The following TRPM2 variants were observed in gnomAD, a reference collection of about 807,000 sequenced individuals.
TRPM2 encodes estrogen-responsive element-associated gene 1 protein.
Under a neutral mutation model 174.0 loss-of-function variants are expected in TRPM2, and 161 were observed. The ratio of observed to expected loss-of-function variants is 0.93; its 90% CI spans 0.81 to 1.05. The LOEUF (loss-of-function observed/expected upper bound fraction) is 1.05, where lower values mean the gene tolerates loss of function less well. Among genes scored for constraint, TRPM2 ranks in the 50% least tolerant of loss-of-function variants. The pLI, the probability that TRPM2 is intolerant of heterozygous loss-of-function variation, is 0.00. For missense variants in TRPM2, 2,057 were observed against 2,038.0 expected (o/e 1.01, Z -0.18); for synonymous variants, 954 against 861.3 (o/e 1.11, Z -1.88).
intron 29 of TRPM2, among the ~76,000 whole-genome samples, chr21:44,437,670 G>T (rs985377928): frequency 1.3e-5 from 2 of 152,208 alleles, no homozygotes; most frequent in Non-Finnish European, 2.9e-5. Context: ...CAGCTCAGGG[G>T]CTGGTTGTGG....
chr21:44,394,671 G>A (rs949548656), intron 11 of TRPM2, among the ~76,000 whole-genome samples: 18 of 151,628 alleles, frequency 1.2e-4, no homozygotes, highest in East Asian at 3.9e-4. Flanking sequence ...AGTCCAGTGC[G>A]TTTATTTAAG....
intron 11 of TRPM2, among the ~76,000 whole-genome samples, chr21:44,394,960 C>T (rs982284814): frequency 2.0e-5 from 3 of 152,150 alleles, no homozygotes; most frequent in Non-Finnish European, 4.4e-5. Context: ...TGTGCTTGCT[C>T]GTGAGTGAGC....
Position 44,439,971 on chromosome 21 carries a change from C to T in TRPM2, c.4269+803C>T. Among the ~76,000 whole-genome samples the T allele has an allele frequency of 6.6e-6, 1 of 151,934 alleles. No individual in the cohort carries two copies. The highest frequency in any genetic ancestry group is 2.0e-4 in the East Asian group (1 of 5,060). On this transcript the variant is annotated intron_variant, in intron 30 of 31. Transcript: ENST00000397928. The surrounding 1 kb of genome is among the most constrained non-coding windows in gnomAD (Gnocchi z 5.1). The stretch of plus-strand genomic sequence containing the variant: ...CTGGGCTCAAGCGATCTGCCCACCT[C>T]AGCCTCCCAAAGTGCTGGGATTACA...
intron 11 of TRPM2, among the ~76,000 whole-genome samples, chr21:44,392,830 G>T (rs924621044): frequency 1.2e-4 from 19 of 152,118 alleles, no homozygotes; most frequent in Non-Finnish European, 8.8e-5. Context: ...GTGTATGCTG[G>T]TTTTTTCCGA....
chr21:44,370,977 G>A (rs1273113567), intron 5 of TRPM2, among the ~76,000 whole-genome samples: 1 of 152,314 alleles, frequency 6.6e-6, no homozygotes, highest in African/African-American at 2.4e-5. Context: ...CCCGGCTGCC[G>A]CCCTCCCTTA....
Position 44,439,093 on chromosome 21 carries a change from A to G in TRPM2, c.4194A>G (p.Leu1398=), listed in dbSNP as rs2051391144. ...GCTCCCGGGAGCCAGGGGAGATGCT[A>G]CCTCGGAAGCTGAAGCGGATCCTCC... ...PGGSREPGEM[L]PRKLKRILRQ... The change falls in exon 30 of 32, where the codon CTA becomes CTG. Residue 1398 remains leucine (L), a synonymous_variant. Coordinates refer to ENST00000397928, the MANE Select transcript of TRPM2 (RefSeq NM_003307.4). This position sits in a 1 kb window ranked among gnomAD's most constrained non-coding sequence, Gnocchi z 5.1. 1 of 1,613,192 alleles carries G rather than the reference A, an allele frequency of 6.2e-7. No homozygotes were observed. Among genetic ancestry groups the G allele is most frequent in the South Asian group, 1.1e-5 (1 of 91,068 alleles).
chr21:44,418,394 T>A, intron 21 of TRPM2, 29 bp from the exon 22 acceptor site: 1 of 1,608,296 alleles, frequency 6.2e-7, no homozygotes, highest in South Asian at 1.1e-5. Context: ...GGATTCCAGG[T>A]CCCCTGGTCT....
rs1555896002 is a variant in TRPM2 at position 44,403,645 on chromosome 21, G to GCA, written c.2539-1492_2539-1491dup. 2.8e-4 allele frequency among the ~76,000 whole-genome samples: 41 copies of GCA among 147,566 alleles called. No homozygotes were observed. In the East Asian group the frequency reaches 6.8e-3, roughly 25 times the overall value. ...CATTCATGCATATGTATACACACAT[G>GCA]CACACATGCACACACATGCATACAC... On this transcript the variant is annotated intron_variant, in intron 16 of 31. Coordinates refer to ENST00000397928, the MANE Select transcript of TRPM2 (RefSeq NM_003307.4).
At position 44,391,572 on chromosome 21, in the gene TRPM2, C is replaced by T. The variant is rs749455789; in HGVS notation, c.1741C>T (p.Arg581Trp). The T allele has an allele frequency of 3.1e-6, 5 of 1,592,636 alleles. No individual in the cohort carries two copies. The highest frequency in any genetic ancestry group is 1.3e-5 in the African/African-American group (1 of 74,688). ...CACGCAGCCGCTTTATCCCCGGCCC[C>T]GGCACAACGACCGGCTGCGGCTCCT... ...DFTQPLYPRP[R>W]HNDRLRLLLP... Residue 581 changes from arginine (R) to tryptophan (W), a missense_variant, in exon 11 of 32, where the codon CGG becomes TGG. Physicochemically the swap from Arg to Trp is moderately radical, Grantham distance 101. Transcript: ENST00000397928. This position sits in a 1 kb window ranked among gnomAD's most constrained non-coding sequence, Gnocchi z 5.0.
intron 27 of TRPM2, among the ~76,000 whole-genome samples, chr21:44,430,227 C>G (rs2050974558): frequency 6.6e-6 from 1 of 152,102 alleles, no homozygotes; most frequent in South Asian, 2.1e-4. Flanking sequence ...ATTTCTTGTA[C>G]TGTCTTACTT....
At chr21:44,401,584 C>A in intron 15 of TRPM2, 97 bp from the exon 16 acceptor site, 2 of 1,307,192 alleles carry the variant, frequency 1.5e-6, no homozygotes, top group African/African-American at 1.5e-5. Context: ...GCACATCTCT[C>A]TGAGGGGCAC....
chr21:44,373,518 A>G (rs1422474562), intron 5 of TRPM2, among the ~76,000 whole-genome samples: 1 of 151,730 alleles, frequency 6.6e-6, no homozygotes, highest in Admixed American at 6.6e-5. Context: ...TGCTTTTCGA[A>G]CAGTGAATCT....
chr21:44,352,964 G>A (rs1008504478), upstream of TRPM2, among the ~76,000 whole-genome samples: 2 of 152,194 alleles, frequency 1.3e-5, no homozygotes, highest in Non-Finnish European at 2.9e-5. Context: ...AGACCAACCT[G>A]ACCAACATGG....
chr21:44,426,387 G>T (rs999461832), intron 25 of TRPM2, among the ~76,000 whole-genome samples: 1 of 151,996 alleles, frequency 6.6e-6, no homozygotes, highest in Non-Finnish European at 1.5e-5. Context: ...TTAGCCCCCT[G>T]CCCCACTCTG....
chr21:44,369,074 G>T, intron 4 of TRPM2, 103 bp from the exon 5 acceptor site: 1 of 1,250,648 alleles, frequency 8.0e-7, no homozygotes, highest in South Asian at 1.7e-5. Flanking sequence ...TGCGTTGTTG[G>T]GGGCGGGGCA....
Position 44,379,168 on chromosome 21 carries a change from G to A in TRPM2, c.1186G>A (p.Glu396Lys), listed in dbSNP as rs867184329. ...FFQEMFETFT[E>K]SRIVEWTKKI... ...CCAGGAGATGTTTGAGACCTTCACG[G>A]AAAGCAGGATTGTCGAGTGGACCAA... Residue 396 changes from glutamate (E) to lysine (K), a missense_variant, in exon 8 of 32, where the codon GAA (glutamate) becomes AAA (lysine). Physicochemically the swap from Glu to Lys is moderately conservative, Grantham distance 56. Coordinates refer to ENST00000397928, the MANE Select transcript of TRPM2 (RefSeq NM_003307.4). 1 of 1,613,438 alleles carries A rather than the reference G, an allele frequency of 6.2e-7. No homozygotes were observed. Among genetic ancestry groups the A allele is most frequent in the African/African-American group, 1.3e-5 (1 of 75,068 alleles).
rs144022462 is a variant in TRPM2 at position 44,405,166 on chromosome 21, G to A, written c.2563G>A (p.Gly855Arg). The A allele has an allele frequency of 8.7e-5, 140 of 1,613,452 alleles. 1 individual carries two copies. The highest frequency in any genetic ancestry group is 3.3e-4 in the Middle Eastern group (2 of 6,062). ...GCTCTTCTATGACCCTGACGAGTGC[G>A]GGCTGATGAAGAAGGCAGCCTTGTA... ...RQLFYDPDEC[G>R]LMKKAALYFS... Residue 855 changes from glycine (G) to arginine (R), a missense_variant, in exon 17 of 32, where the codon GGG becomes AGG. By Grantham distance (125) the Gly-to-Arg change is moderately radical (BLOSUM62 -2). Coordinates refer to ENST00000397928, the MANE Select transcript of TRPM2 (RefSeq NM_003307.4).
rs1442144051 is a variant in TRPM2 at position 44,397,404 on chromosome 21, G to A, written c.1933-343G>A. ...TGGTTCTGTGGTTATGTCCAGGGCC[G>A]AGTCTCACTGGGCACGCACAGGCCG... On this transcript the variant is annotated intron_variant, in intron 12 of 31. Transcript: ENST00000397928. 3.9e-5 allele frequency among the ~76,000 whole-genome samples: 6 copies of A among 152,174 alleles called. 1 individual carries two copies. Among genetic ancestry groups the A allele is most frequent in the African/African-American group, 7.2e-5 (3 of 41,424 alleles).
Position 44,399,167 on chromosome 21 carries a change from C to G in TRPM2, c.2063-129C>G. 1 of 1,242,264 alleles carries G rather than the reference C, an allele frequency of 8.0e-7. No homozygotes were observed. The highest frequency in any genetic ancestry group is 2.4e-4 in the Middle Eastern group (1 of 4,230). 77.0% of individuals were successfully genotyped at this position (1,242,264 alleles called of 1,614,324 possible). ...GGGCCTGGGTGTTTTGAGACACCAG[C>G]CCCACATTTGCCCTGTGCCCTTCCC... On this transcript the variant is annotated intron_variant, in intron 13 of 31. Transcript: ENST00000397928. This position sits in a 1 kb window ranked among gnomAD's most constrained non-coding sequence, Gnocchi z 4.6.
Sources: allele counts gnomAD v4.1 joint callset (sites outside exome capture counted in the v4.1 genomes callset), GRCh38; gene constraint gnomAD v4.1.1; non-coding constraint Gnocchi (gnomAD v3.1); transcripts MANE v1.5; gene names NCBI Gene and HGNC (gene_info 2026-07-23, HGNC 2026-07-21).